Variants in POF1B observed in about 807,000 individuals in gnomAD.
POF1B encodes the protein POF1B actin binding protein.
A neutral mutation model predicts 55.3 loss-of-function variants in POF1B; 53 were observed. That is an observed-to-expected ratio of 0.96 (90% CI 0.77 to 1.20). POF1B has a LOEUF of 1.20. Among genes scored for constraint, POF1B ranks in the 50% most tolerant of loss-of-function variants. POF1B has a pLI of 0.00. For missense variants in POF1B, 478 were observed against 420.5 expected (o/e 1.14, Z -1.20); for synonymous variants, 188 against 148.3 (o/e 1.27, Z -1.95).
At chrX:85,368,890 C>T (rs913868467) in intron 2 of POF1B, among the ~76,000 whole-genome samples, 5 of 111,400 alleles carry the variant, frequency 4.5e-5, no homozygotes, top group Non-Finnish European at 9.5e-5. Flanking sequence ...TTATATCTTC[C>T]TACAAAGGTA....
chrX:85,346,167 T>C (rs886261010), intron 5 of POF1B, 125 bp from the exon 6 acceptor site: 2 of 485,821 alleles, frequency 4.1e-6, no homozygotes, highest in African/African-American at 2.5e-5. Context: ...CTAGGATTTA[T>C]AGATTTAACT....
intron 3 of POF1B, among the ~76,000 whole-genome samples, chrX:85,362,623 G>C (rs978793939): frequency 9.0e-6 from 1 of 111,542 alleles, no homozygotes; most frequent in Non-Finnish European, 1.9e-5. Flanking sequence ...GTTTTTTGAT[G>C]TGCTGCTGGA....
chrX:85,369,345 G>A (rs926557754), intron 2 of POF1B, among the ~76,000 whole-genome samples: 13 of 110,608 alleles, frequency 1.2e-4, no homozygotes, highest in Middle Eastern at 4.6e-3. Flanking sequence ...AAGAAGACAA[G>A]AAAAAAGAGG....
intron 5 of POF1B, among the ~76,000 whole-genome samples, 153 bp downstream of exon 5, chrX:85,351,197 A>G (rs185609883): frequency 1.6e-3 from 179 of 111,316 alleles, no homozygotes; most frequent in Non-Finnish European, 2.2e-3. Flanking sequence ...TGAAAGTATT[A>G]AGGATGGTAT....
intron 3 of POF1B, among the ~76,000 whole-genome samples, chrX:85,363,545 A>C (rs971778393): frequency 2.7e-5 from 3 of 111,437 alleles, no homozygotes; most frequent in Non-Finnish European, 1.9e-5. Flanking sequence ...TTTCCATGTA[A>C]TTGCATGGTT....
chrX:85,299,973 G>A (rs766294350), intron 15 of POF1B, among the ~76,000 whole-genome samples: 5 of 112,527 alleles, frequency 4.4e-5, no homozygotes, highest in Admixed American at 9.4e-5. Context: ...AACTTGACTC[G>A]TAGCTCAACC....
chrX:85,378,673 A>G (rs1933960242), intron 2 of POF1B, among the ~76,000 whole-genome samples: 1 of 112,058 alleles, frequency 8.9e-6, no homozygotes, highest in South Asian at 3.7e-4. Context: ...ACATATGACA[A>G]TTCAGACATC....
chrX:85,314,041 A>G (rs1158752279), intron 9 of POF1B, among the ~76,000 whole-genome samples: 1 of 110,450 alleles, frequency 9.1e-6, no homozygotes, highest in Non-Finnish European at 1.9e-5. Context: ...CAGTGGTGAC[A>G]TCCCCTTTAT....
intron 6 of POF1B, among the ~76,000 whole-genome samples, chrX:85,332,189 G>A (rs1472373931): frequency 1.8e-5 from 2 of 111,487 alleles, no homozygotes; most frequent in Non-Finnish European, 3.8e-5. Context: ...ATATCTTAAA[G>A]GTAGATAAAC....
In POF1B at chrX:85,278,948, A is replaced by G. The variant is rs2147885421; in HGVS notation, c.*473T>C. The G allele has an allele frequency of 8.9e-6, 1 of 112,943 alleles. No homozygotes were observed. Among genetic ancestry groups the G allele is most frequent in the African/African-American group, 3.2e-5 (1 of 30,855 alleles). 9.3% of individuals were successfully genotyped at this position (112,943 alleles called of 1,213,427 possible). On this transcript the variant is annotated 3_prime_UTR_variant, in exon 17 of 17. Coordinates refer to ENST00000262753, the MANE Select transcript of POF1B (RefSeq NM_024921.4). ...AGCAAATACAGACTGTATATATTATATACTAGCTGTTATTTTTTGCTTCAA... is the reference window on the plus strand; with the variant it reads ...AGCAAATACAGACTGTATATATTATGTACTAGCTGTTATTTTTTGCTTCAA...
intron 5 of POF1B, 146 bp downstream of exon 5, chrX:85,351,204 G>A (rs1026669102): frequency 8.1e-6 from 3 of 368,618 alleles, no homozygotes; most frequent in Non-Finnish European, 9.3e-6. Context: ...ATTAAGGATG[G>A]TATGAAGGGC....
chrX:85,328,577 A>T (rs1204790857), intron 7 of POF1B, among the ~76,000 whole-genome samples: 1 of 110,996 alleles, frequency 9.0e-6, no homozygotes, highest in African/African-American at 3.3e-5. Flanking sequence ...TGGTTCTCAG[A>T]GTGTGGGTTC....
At chrX:85,304,499 A>T in intron 13 of POF1B, 28 bp from the exon 14 acceptor site, 1 of 924,629 alleles carries the variant, frequency 1.1e-6, no homozygotes, top group Non-Finnish European at 1.4e-6. Flanking sequence ...AATAAATATT[A>T]TTATAATCTT....
chrX:85,353,100 A>G (rs1933421506), intron 4 of POF1B, among the ~76,000 whole-genome samples: 1 of 111,241 alleles, frequency 9.0e-6, no homozygotes, highest in Non-Finnish European at 1.9e-5. Flanking sequence ...CAGAGGAAAA[A>G]AACTGAGTTC....
At chrX:85,327,943 A>AT (rs1932916081) in intron 7 of POF1B, among the ~76,000 whole-genome samples, 1 of 111,305 alleles carries the variant, frequency 9.0e-6, no homozygotes, top group Admixed American at 9.6e-5. Flanking sequence ...AACTTCCTTA[A>AT]TTTTTACCTT....
chrX:85,315,376 T>G (rs1932778478), intron 8 of POF1B, among the ~76,000 whole-genome samples: 1 of 111,146 alleles, frequency 9.0e-6, no homozygotes, highest in African/African-American at 3.3e-5. Context: ...ATGTGGTCAG[T>G]GAAACATCTC....
chrX:85,306,363 A>G lies in POF1B; in HGVS notation c.1165-30T>C, dbSNP rs375249982. The G allele has an allele frequency of 2.0e-4, 240 of 1,180,292 alleles. No homozygotes were observed. The African/African-American group carries it at 3.9e-3, about 19-fold the overall frequency. On this transcript the variant is annotated intron_variant, in intron 11 of 16. Transcript: ENST00000262753. ...AAAGAAGACACAAGTACATAAGACA[A>G]ATGCATTTTGTTTTTGGTGAGGGAG...
At chrX:85,349,446 A>T (rs1488301016) in intron 5 of POF1B, among the ~76,000 whole-genome samples, 1 of 111,223 alleles carries the variant, frequency 9.0e-6, no homozygotes, top group Non-Finnish European at 1.9e-5. Flanking sequence ...AGATATGGTG[A>T]AGTCCTAACC....
chrX:85,378,169 GT>G (rs1177455561), intron 2 of POF1B, among the ~76,000 whole-genome samples: 1 of 111,364 alleles, frequency 9.0e-6, no homozygotes, highest in Admixed American at 9.5e-5. Flanking sequence ...GTTGAGAAAT[GT>G]TACTTTATAT....
Sources: allele counts gnomAD v4.1 joint callset (sites outside exome capture counted in the v4.1 genomes callset), GRCh38; gene constraint gnomAD v4.1.1; transcripts MANE v1.5; gene names NCBI Gene and HGNC (gene_info 2026-07-23, HGNC 2026-07-21).